The following NRXN3 variants were observed in gnomAD, a reference collection of about 807,000 sequenced individuals.
NRXN3 encodes the protein neurexin III.
NRXN3 carries 32 observed loss-of-function variants against 137.6 expected under a neutral mutation model. That is an observed-to-expected ratio of 0.23 (90% CI 0.18 to 0.31). The LOEUF (loss-of-function observed/expected upper bound fraction) is 0.31. NRXN3 is among the 10% of genes least tolerant of loss of function. The pLI is 1.00. For missense variants in NRXN3, 1,574 were observed against 2,062.5 expected, an observed-to-expected ratio of 0.76 and a Z score of 4.59; for synonymous variants, 798 against 784.5, an observed-to-expected ratio of 1.02 and a Z score of -0.29.
At chr14:78,489,659 C>T (rs1227855028) in intron 4 of NRXN3, among the ~76,000 whole-genome samples, 5 of 152,000 alleles carry the variant, frequency 3.3e-5, no homozygotes, top group African/African-American at 1.2e-4. Context: ...TATTTTCTTC[C>T]CCTTCCCATG....
intron 8 of NRXN3, among the ~76,000 whole-genome samples, chr14:78,793,377 T>A (rs1283450016): frequency 6.6e-6 from 1 of 152,110 alleles, no homozygotes; most frequent in Non-Finnish European, 1.5e-5. Context: ...AAAGTATACA[T>A]GTGTCAGAGG....
At chr14:79,077,965 T>A (rs1485969281) in intron 15 of NRXN3, among the ~76,000 whole-genome samples, 1 of 152,174 alleles carries the variant, frequency 6.6e-6, no homozygotes, top group Non-Finnish European at 1.5e-5. Flanking sequence ...AGTTTCTAGT[T>A]TGAGGGAGCT....
At chr14:79,012,665 G>A (rs1319649286) in intron 15 of NRXN3, among the ~76,000 whole-genome samples, 1 of 152,168 alleles carries the variant, frequency 6.6e-6, no homozygotes. Flanking sequence ...AGACACAGGT[G>A]TGTTTCCCCA....
chr14:78,372,856 G>A lies in NRXN3; in HGVS notation c.757+74996G>A, dbSNP rs923143798. ...TCCTCTTCCTCTTGAATAAAATTAA[G>A]TAAAATAAGTATGCTATAAAAAATA... On this transcript the variant is annotated intron_variant, in intron 4 of 20. Transcript: ENST00000335750. Among the ~76,000 whole-genome samples, 3 of 152,100 alleles carry A rather than the reference G, an allele frequency of 2.0e-5. No individual in the cohort carries two copies. In the South Asian group the frequency reaches 6.2e-4, roughly 32 times the overall value.
chr14:78,381,664 A>G (rs1413903666), intron 4 of NRXN3, among the ~76,000 whole-genome samples: 1 of 152,190 alleles, frequency 6.6e-6, no homozygotes, highest in Non-Finnish European at 1.5e-5. Context: ...TAATAGCCCC[A>G]AACTGGAGAT....
rs907371253 is a variant in NRXN3, at chr14:79,866,022, CTT to C, written c.*4059_*4060del. Reference sequence around the variant, plus strand: ...TAATTCAAGAAACATTTATTGAACACTTATGTACAAGCTAGTCTACTATTGGC... The same window carrying C: ...TAATTCAAGAAACATTTATTGAACACATGTACAAGCTAGTCTACTATTGGC... On this transcript the variant is annotated 3_prime_UTR_variant, in exon 21 of 21. Transcript: ENST00000335750. 1.3e-5 allele frequency: 2 copies of C among 152,178 alleles called. No homozygotes were observed. Among genetic ancestry groups the C allele is most frequent in the African/African-American group, 4.8e-5 (2 of 41,452 alleles). The allele number at this position is 152,178 out of a possible 1,614,324, so 9.4% of individuals were successfully genotyped here. A position where few individuals can be genotyped will look rare whatever the true frequency, so the allele number is the denominator to read the frequency against.
chr14:79,804,590 C>A (rs1453249410), intron 19 of NRXN3, among the ~76,000 whole-genome samples: 1 of 152,112 alleles, frequency 6.6e-6, no homozygotes, highest in Admixed American at 6.5e-5. Context: ...TGATAAAAGC[C>A]ATTATGCAGT....
intron 8 of NRXN3, 72 bp from the exon 9 acceptor site, chr14:78,803,548 C>T: frequency 1.4e-6 from 2 of 1,435,898 alleles, no homozygotes; most frequent in East Asian, 2.3e-5. Flanking sequence ...CTCGCTTAGC[C>T]TGAAAGCAAA....
intron 4 of NRXN3, among the ~76,000 whole-genome samples, chr14:78,478,700 A>C (rs372052885): frequency 1.3e-5 from 2 of 152,160 alleles, no homozygotes; most frequent in African/African-American, 4.8e-5. Context: ...CTCCCAGCCC[A>C]CTCACCAAGG....
chr14:78,609,528 G>T (rs994673443), intron 4 of NRXN3, among the ~76,000 whole-genome samples: 3 of 152,168 alleles, frequency 2.0e-5, no homozygotes, highest in Non-Finnish European at 4.4e-5. Context: ...AGAACTTAGT[G>T]GTTAAGCACT....
At chr14:78,328,179 A>G (rs1172743791) in intron 4 of NRXN3, among the ~76,000 whole-genome samples, 3 of 152,176 alleles carry the variant, frequency 2.0e-5, no homozygotes, top group Non-Finnish European at 4.4e-5. Context: ...AGCTCTCTAC[A>G]GGGAAGGCTT....
chr14:78,724,538 C>CAATAG (rs71131658), intron 8 of NRXN3, among the ~76,000 whole-genome samples: 30,366 of 151,710 alleles, frequency 0.2, 4,190 homozygotes, highest in African/African-American at 0.4. Context: ...AATGAGTGGT[C>CAATAG]AATAGAATAG....
At chr14:79,277,474 T>C (rs989830261) in intron 15 of NRXN3, among the ~76,000 whole-genome samples, 1 of 152,210 alleles carries the variant, frequency 6.6e-6, no homozygotes, top group Non-Finnish European at 1.5e-5. Flanking sequence ...CTAGCAATAA[T>C]AGCATAAGAC....
chr14:79,681,005 A>G (rs1331170048), intron 17 of NRXN3, among the ~76,000 whole-genome samples: 1 of 152,150 alleles, frequency 6.6e-6, no homozygotes, highest in African/African-American at 2.4e-5. Flanking sequence ...ACATGCATCA[A>G]CCTTTCTCCA....
chr14:78,283,609 A>G (rs548895476), intron 3 of NRXN3, among the ~76,000 whole-genome samples: 1 of 152,070 alleles, frequency 6.6e-6, no homozygotes, highest in East Asian at 1.9e-4. Context: ...CCCGGGTTCA[A>G]GCAATTCTTC....
chr14:79,531,555 C>G (rs147091993), intron 16 of NRXN3, among the ~76,000 whole-genome samples: 1 of 152,024 alleles, frequency 6.6e-6, no homozygotes, highest in African/African-American at 2.4e-5. Context: ...GATGACATTT[C>G]GCAGAAAATG....
At chr14:79,059,247 A>ATTATTTTTTTTTTTTTT in intron 15 of NRXN3, among the ~76,000 whole-genome samples, 1 of 95,910 alleles carries the variant, frequency 1.0e-5, no homozygotes, top group South Asian at 3.5e-4. Flanking sequence ...TTCAGGCCCT[A>ATTATTTTTTTTTTTTTT]TTCTTTTTTT....
At position 78,709,721 on chromosome 14, in the gene NRXN3, G is replaced by T. The variant is rs2098389103; in HGVS notation, c.1660+66G>T. 22 of 1,445,190 alleles carry T rather than the reference G, an allele frequency of 1.5e-5. No homozygotes were observed. In the Middle Eastern group the frequency reaches 5.5e-4, roughly 36 times the overall value. The allele number at this position is 1,445,190 out of a possible 1,614,324, so 89.5% of individuals were successfully genotyped here. On this transcript the variant is annotated intron_variant, in intron 7 of 20. Coordinates refer to ENST00000335750, the MANE Select transcript of NRXN3 (RefSeq NM_001330195.2). ...CTGTAGCTTCTCAGTTTGTTTTTTG[G>T]CTTTATGTTTCTTAATTTTCACCCT...
intron 5 of NRXN3, among the ~76,000 whole-genome samples, chr14:78,648,936 C>T (rs1053147324): frequency 2.0e-5 from 3 of 152,032 alleles, no homozygotes; most frequent in African/African-American, 7.3e-5. Context: ...AAGTATGGTG[C>T]TAATTCTAAC....
Sources: allele counts gnomAD v4.1 joint callset (sites outside exome capture counted in the v4.1 genomes callset), GRCh38; gene constraint gnomAD v4.1.1; transcripts MANE v1.5; gene names NCBI Gene and HGNC (gene_info 2026-07-23, HGNC 2026-07-21).